SETD4: variants seen among roughly 807,000 people sequenced by gnomAD.
SETD4 encodes the protein SET domain-containing protein 4.
Under a neutral mutation model 58.3 loss-of-function variants are expected in SETD4, and 46 were observed. That is an observed-to-expected ratio of 0.79 (90% CI 0.62 to 1.01). SETD4 has a LOEUF of 1.01. Among genes scored for constraint, SETD4 ranks in the 50% least tolerant of loss-of-function variants. The pLI, the probability that SETD4 is intolerant of heterozygous loss-of-function variation, is 0.00. For synonymous variants in SETD4, 190 were observed against 202.6 expected (o/e 0.94, Z 0.53); for missense variants, 490 against 523.3 (o/e 0.94, Z 0.62).
rs371830739 is a variant in SETD4, at chr21:36,040,602, T to C, written c.1037A>G (p.Lys346Arg). 20 of 1,613,726 alleles carry C rather than the reference T, an allele frequency of 1.2e-5. No homozygotes were observed. The highest frequency in any genetic ancestry group is 3.3e-4 in the Middle Eastern group (2 of 6,084). The change falls in exon 9 of 12, where the codon AAG becomes AGG. Residue 346 changes from lysine to arginine, a missense_variant. Transcript: ENST00000332131. ...TTTCTCAGCTTCCAGACATAACAAC[T>C]TAAGGGCTGTGAGTAGCCTCCAAGA... ...GPSWRLLTALKLLCLEAEKFT... is the reference protein window; with the variant it reads ...GPSWRLLTALRLLCLEAEKFT...
At chr21:36,036,502 G>A (rs1307922054) in intron 10 of SETD4, 1 of 399,220 alleles carries the variant, frequency 2.5e-6, no homozygotes, top group Non-Finnish European at 3.4e-6. Context: ...TCCACTCTCT[G>A]TCTCTACGAA....
intron 10 of SETD4, chr21:36,036,664 T>G: frequency 1.0e-6 from 1 of 964,860 alleles, no homozygotes; most frequent in Non-Finnish European, 1.2e-6. Context: ...TGATTTCTCA[T>G]TTAACTAAAA....
intron 8 of SETD4, among the ~76,000 whole-genome samples, chr21:36,041,569 A>G (rs1232222081): frequency 1.3e-5 from 2 of 152,188 alleles, no homozygotes; most frequent in African/African-American, 4.8e-5. Context: ...TGGTACCATA[A>G]TTTAATATTT....
chr21:36,054,935 TG>T (rs1376343866), intron 3 of SETD4, among the ~76,000 whole-genome samples: 3 of 151,906 alleles, frequency 2.0e-5, no homozygotes, highest in African/African-American at 7.3e-5. Flanking sequence ...TGGCTCATGG[TG>T]GGAATTCCTG....
chr21:36,050,532 C>T, intron 4 of SETD4: 3 of 1,613,938 alleles, frequency 1.9e-6, no homozygotes, highest in Non-Finnish European at 2.5e-6. Flanking sequence ...AATGAACCGA[C>T]TTCAAGCCAT....
chr21:36,038,588 T>C (rs928025295), intron 9 of SETD4, among the ~76,000 whole-genome samples: 2 of 152,050 alleles, frequency 1.3e-5, no homozygotes, highest in Non-Finnish European at 2.9e-5. Context: ...TTCCCGGCCA[T>C]GGGAACGAAG....
chr21:36,060,245 CT>C, intron 1 of SETD4, 101 bp downstream of exon 1: 2 of 504,364 alleles, frequency 4.0e-6, no homozygotes, highest in Non-Finnish European at 5.1e-6. Flanking sequence ...AAACTCAGTT[CT>C]TTTTACGCTG....
At chr21:36,046,826 T>C (rs2064354139) in intron 5 of SETD4, among the ~76,000 whole-genome samples, 1 of 152,254 alleles carries the variant, frequency 6.6e-6, no homozygotes, top group South Asian at 2.1e-4. Context: ...CCATACATTC[T>C]ACTCAAAATT....
chr21:36,058,855 T>C lies in SETD4; in HGVS notation c.34A>G (p.Arg12Gly). ...GAACTTCCGCAGAGTTTTCGTCTTCTGATCCGGCTTGTTCTCCCTTTTCCT... is the reference window on the plus strand; with the variant it reads ...GAACTTCCGCAGAGTTTTCGTCTTCCGATCCGGCTTGTTCTCCCTTTTCCT... Reference protein sequence around the residue: ...QKGKGRTSRIRRRKLCGSSES... With the variant: ...QKGKGRTSRIGRRKLCGSSES... The change falls in exon 2 of 12, where the codon AGA becomes GGA. Residue 12 changes from arginine to glycine, a missense_variant. Physicochemically the swap from Arg to Gly is moderately radical, Grantham distance 125 (BLOSUM62 -2). Coordinates refer to ENST00000332131, the MANE Select transcript of SETD4 (RefSeq NM_017438.5). The C allele has an allele frequency of 6.2e-7, 1 of 1,603,252 alleles. No individual in the cohort carries two copies. Among genetic ancestry groups the C allele is most frequent in the East Asian group, 2.2e-5 (1 of 44,572 alleles).
chr21:36,051,755 A>G (rs2064705350), intron 4 of SETD4, among the ~76,000 whole-genome samples: 1 of 152,200 alleles, frequency 6.6e-6, no homozygotes, highest in African/African-American at 2.4e-5. Context: ...GCATAACTTC[A>G]CATTGTGTTG....
At chr21:36,042,074 A>G (rs1342415654) in intron 7 of SETD4, 186 bp from the exon 8 acceptor site, 1 of 401,784 alleles carries the variant, frequency 2.5e-6, no homozygotes, top group Non-Finnish European at 4.4e-6. Context: ...TGAGTCCCTG[A>G]AAGGCTGTAA....
rs754660465 is a variant in SETD4 at position 36,036,084 on chromosome 21, C to T, written c.*32+1G>A. ...GTCTAAAATGTGTGACTAACACCCA[C>T]CAGAGGAGGTGACCAAATGCGCTTC... On this transcript the variant is annotated splice_donor_variant, in intron 11 of 11. Transcript: ENST00000332131. LOFTEE classifies it low-confidence loss of function (3UTR_SPLICE). 1.2e-6 allele frequency: 2 copies of T among 1,614,084 alleles called. No homozygotes were observed. The highest frequency in any genetic ancestry group is 3.3e-5 in the Admixed American group (2 of 60,016).
Position 36,034,920 on chromosome 21 carries a change from G to A in SETD4, c.*1073C>T, listed in dbSNP as rs1000216089. ...AGCTACTGAAAAATAAACACAAAGT[G>A]TATATACAAACAGGGAAAGATGTTC... On this transcript the variant is annotated 3_prime_UTR_variant, in exon 12 of 12. Transcript: ENST00000332131. 5.9e-5 allele frequency: 9 copies of A among 152,310 alleles called. No homozygotes were observed. In the South Asian group the frequency reaches 1.0e-3, roughly 18 times the overall value. 9.4% of individuals were successfully genotyped at this position (152,310 alleles called of 1,614,324 possible). A position where few individuals can be genotyped will look rare whatever the true frequency, so the allele number is the denominator to read the frequency against.
Position 36,060,081 on chromosome 21 carries a change from A to G in SETD4, c.-37+266T>C, listed in dbSNP as rs562336484. 1.8e-3 allele frequency: 1,797 copies of G among 985,644 alleles called. 5 individuals carry two copies. Among genetic ancestry groups the G allele is most frequent in the Non-Finnish European group, 2.0e-3 (1,663 of 830,082 alleles). 61.1% of individuals were successfully genotyped at this position (985,644 alleles called of 1,614,324 possible). A position where few individuals can be genotyped will look rare whatever the true frequency, so the allele number is the denominator to read the frequency against. On this transcript the variant is annotated intron_variant, in intron 1 of 11. Transcript: ENST00000332131. The stretch of plus-strand genomic sequence containing the variant: ...TCCGACACACACCGCTCCCGCAGCC[A>G]TAGGCCAGCCAGGCGAGCATCGGAC...
Position 36,051,471 on chromosome 21 carries a change from G to A in SETD4, c.207+2112C>T, listed in dbSNP as rs1042433041. The stretch of plus-strand genomic sequence containing the variant: ...CCAACTTGCAATGCTGTTCATGGAG[G>A]ATGCTCAGGAAGATGAGAGAAAATT... On this transcript the variant is annotated intron_variant, in intron 4 of 11. Transcript: ENST00000332131. 6 of 1,369,260 alleles carry A rather than the reference G, an allele frequency of 4.4e-6. No individual in the cohort carries two copies. The African/African-American group carries it at 8.7e-5, about 20-fold the overall frequency. The allele number at this position is 1,369,260 out of a possible 1,614,324, so 84.8% of individuals were successfully genotyped here.
intron 3 of SETD4, among the ~76,000 whole-genome samples, chr21:36,055,062 T>C (rs1364529080): frequency 2.0e-5 from 3 of 152,242 alleles, no homozygotes; most frequent in Non-Finnish European, 2.9e-5. Flanking sequence ...ACTTATTTCA[T>C]TGATTTTGTG....
At chr21:36,041,158 TCAA>T (rs1486452352) in intron 8 of SETD4, among the ~76,000 whole-genome samples, 4 of 56,370 alleles carry the variant, frequency 7.1e-5, no homozygotes, top group African/African-American at 3.0e-4. Context: ...AGACTCCTTC[TCAA>T]AAAAAAAAAA....
rs142359991 is a variant in SETD4, at chr21:36,043,847, C to T, written c.836G>A (p.Arg279Gln). The T allele has an allele frequency of 7.8e-5, 126 of 1,614,176 alleles. No homozygotes were observed. The African/African-American group carries it at 1.5e-3, about 19-fold the overall frequency. Residue 279 changes from arginine to glutamine, a missense_variant, in exon 7 of 12, where the codon CGG (arginine) becomes CAG (glutamine). Transcript: ENST00000332131. ...AACAAATCCGTATTCCAGGAACAGC[C>T]GTTGATTATCGTGAGGGCCGTAACA... is the stretch of plus-strand genomic sequence containing the variant. ...FICYGPHDNQ[R>Q]LFLEYGFVSV...
At chr21:36,038,117 CTTCT>C (rs770055234) in intron 10 of SETD4, 29 bp downstream of exon 10, 3 of 1,597,528 alleles carry the variant, frequency 1.9e-6, no homozygotes, top group East Asian at 2.2e-5. Context: ...AATCAAGACA[CTTCT>C]TTAAGGATGT....
Sources: gnomAD v4.1 joint callset for allele counts (sites outside exome capture counted in the v4.1 genomes callset) on GRCh38, gnomAD v4.1.1 for gene constraint, MANE v1.5 for transcripts, NCBI Gene and HGNC (gene_info 2026-07-23, HGNC 2026-07-21) for gene names.